DOCK8: variants seen among roughly 807,000 people sequenced by gnomAD.
The protein encoded by DOCK8 is dedicator of cytokinesis protein 8.
In DOCK8, 141 loss-of-function variants were observed where a neutral mutation model predicts 245.6. The ratio of observed to expected loss-of-function variants is 0.57; its 90% CI spans 0.50 to 0.66. The LOEUF (loss-of-function observed/expected upper bound fraction) is 0.66, where lower values mean the gene tolerates loss of function less well. Among genes scored for constraint, DOCK8 ranks in the 30% least tolerant of loss-of-function variants. The pLI, the probability that DOCK8 is intolerant of heterozygous loss-of-function variation, is 0.00. For synonymous variants in DOCK8, 1,168 were observed against 970.2 expected (o/e 1.20, Z -3.79); for missense variants, 2,965 against 2,603.4 (o/e 1.14, Z -3.02).
At chr9:390,412 G>C (rs537914702) in intron 23 of DOCK8, 59 bp from the exon 24 acceptor site, 18 of 1,477,132 alleles carry the variant, frequency 1.2e-5, no homozygotes, top group Admixed American at 1.2e-4. Flanking sequence ...AAGAAAAAAA[G>C]TGTTGGTGAA....
chr9:228,592 T>C (rs1207071976), intron 1 of DOCK8, among the ~76,000 whole-genome samples: 3 of 152,162 alleles, frequency 2.0e-5, no homozygotes, highest in Non-Finnish European at 2.9e-5. Context: ...CAGGGGAGCA[T>C]GGCCCTACTC....
rs545201792 is a variant in DOCK8, at chr9:337,243, C to A, written c.1422+525C>A. 1.9e-4 allele frequency among the ~76,000 whole-genome samples: 29 copies of A among 152,248 alleles called. 4 individuals carry two copies. The highest frequency in any genetic ancestry group is 7.0e-4 in the African/African-American group (29 of 41,538). ...CATTCAAACCACAGCATTCACAAAGCCTCAATTTCATTAGCCAGAAAACGG... is the reference window on the plus strand; with the variant it reads ...CATTCAAACCACAGCATTCACAAAGACTCAATTTCATTAGCCAGAAAACGG... On this transcript the variant is annotated intron_variant, in intron 12 of 47. Transcript: ENST00000432829.
chr9:324,516 G>A (rs1290366299), intron 7 of DOCK8, among the ~76,000 whole-genome samples: 3 of 152,132 alleles, frequency 2.0e-5, no homozygotes, highest in Admixed American at 2.0e-4. Flanking sequence ...TAATGCACCA[G>A]GATTATGCTT....
intron 4 of DOCK8, among the ~76,000 whole-genome samples, chr9:299,582 C>A (rs1387823138): frequency 1.3e-5 from 2 of 151,456 alleles, no homozygotes; most frequent in Admixed American, 6.6e-5. Flanking sequence ...TCCTTGAAAT[C>A]GTTTTTGGAT....
At chr9:272,518 C>G (rs183675686) in intron 2 of DOCK8, among the ~76,000 whole-genome samples, 3 of 151,934 alleles carry the variant, frequency 2.0e-5, no homozygotes, top group African/African-American at 7.3e-5. Flanking sequence ...CCCAAGTAGC[C>G]GGGACTACAG....
chr9:461,893 A>G (rs1201034423), intron 46 of DOCK8, among the ~76,000 whole-genome samples: 2 of 148,856 alleles, frequency 1.3e-5, no homozygotes, highest in African/African-American at 4.9e-5. Flanking sequence ...CCTTTTCTGA[A>G]CTTTTCCTGG....
At chr9:432,787 T>C (rs543716606) in intron 37 of DOCK8, among the ~76,000 whole-genome samples, 1 of 152,188 alleles carries the variant, frequency 6.6e-6, no homozygotes, top group East Asian at 1.9e-4. Context: ...TTTGTATCTG[T>C]AGGGATGGTA....
chr9:265,611 A>C (rs1262521234), intron 1 of DOCK8, among the ~76,000 whole-genome samples: 2 of 152,198 alleles, frequency 1.3e-5, no homozygotes, highest in Non-Finnish European at 2.9e-5. Flanking sequence ...CTTATAGACA[A>C]AGTTTTTTTT....
intron 23 of DOCK8, among the ~76,000 whole-genome samples, chr9:387,086 C>T (rs2053986228): frequency 6.6e-6 from 1 of 152,170 alleles, no homozygotes; most frequent in African/African-American, 2.4e-5. Flanking sequence ...CTCTTCTAGG[C>T]ACTCAAGAAT....
intron 4 of DOCK8, among the ~76,000 whole-genome samples, chr9:301,989 A>AC (rs886912410): frequency 7.9e-5 from 12 of 152,100 alleles, no homozygotes; most frequent in Admixed American, 7.2e-4. Context: ...CAGAATTTAA[A>AC]AAAAAAAACC....
At chr9:290,785 C>G (rs2049005980) in intron 4 of DOCK8, among the ~76,000 whole-genome samples, 1 of 152,170 alleles carries the variant, frequency 6.6e-6, no homozygotes, top group Non-Finnish European at 1.5e-5. Context: ...CTCACTCCTC[C>G]TATACCTCAG....
Position 219,964 on chromosome 9 carries a change from T to C in DOCK8, c.53+4935T>C, listed in dbSNP as rs192331956. ...AGAGCACAATGAGCTACAGAGAGCTTTCTGAGAAGTATTTGCTAATTTTAT... is the reference window on the plus strand; with the variant it reads ...AGAGCACAATGAGCTACAGAGAGCTCTCTGAGAAGTATTTGCTAATTTTAT... On this transcript the variant is annotated intron_variant, in intron 1 of 47. Transcript: ENST00000432829. Among the ~76,000 whole-genome samples the C allele has an allele frequency of 3.9e-5, 6 of 152,326 alleles. No individual in the cohort carries two copies. The East Asian group carries it at 7.7e-4, about 20-fold the overall frequency.
Position 441,960 on chromosome 9 carries a change from A to AGCAT in DOCK8, c.5441_5442insGCAT (p.Tyr1814Ter). The stretch of plus-strand genomic sequence containing the variant: ...GATTTGGATGAACAGGAGTTTGTCT[A>AGCAT]CAAAGAGCCTGCAATTACCAAGCTT... On this transcript the variant is annotated stop_gained and frameshift_variant, in exon 42 of 48. Transcript: ENST00000432829. LOFTEE classifies it high-confidence loss of function. 1.2e-6 allele frequency: 2 copies of AGCAT among 1,614,166 alleles called. No individual in the cohort carries two copies. The highest frequency in any genetic ancestry group is 1.7e-6 in the Non-Finnish European group (2 of 1,180,024).
At chr9:254,495 C>A (rs1039489926) in intron 1 of DOCK8, among the ~76,000 whole-genome samples, 4 of 152,178 alleles carry the variant, frequency 2.6e-5, no homozygotes, top group African/African-American at 9.7e-5. Context: ...TCCTTCTCTT[C>A]CTTCTTTCCT....
At chr9:437,212 C>T (rs1477062892) in intron 39 of DOCK8, among the ~76,000 whole-genome samples, 1 of 152,206 alleles carries the variant, frequency 6.6e-6, no homozygotes, top group Admixed American at 6.5e-5. Flanking sequence ...TAGCACCTGC[C>T]ATACTGGACC....
Position 252,747 on chromosome 9 carries a change from G to A in DOCK8, c.54-18880G>A, listed in dbSNP as rs13440185. On this transcript the variant is annotated intron_variant, in intron 1 of 47. Transcript: ENST00000432829. The stretch of plus-strand genomic sequence containing the variant: ...TGAACCCGGGAGGTCGCAGTGAGCC[G>A]AGATCACACCACTGCACTCCAGCCT... 6.4e-3 allele frequency among the ~76,000 whole-genome samples: 950 copies of A among 149,454 alleles called. 6 individuals are homozygous for A. Among genetic ancestry groups the A allele is most frequent in the African/African-American group, 0.022 (884 of 40,630 alleles).
chr9:442,798 A>G (rs2057134609), intron 42 of DOCK8, among the ~76,000 whole-genome samples: 1 of 151,300 alleles, frequency 6.6e-6, no homozygotes, highest in Non-Finnish European at 1.5e-5. Context: ...TTCACTCCTT[A>G]GGCTTTCATT....
At chr9:273,600 G>A (rs144359153) in intron 2 of DOCK8, among the ~76,000 whole-genome samples, 47 of 152,206 alleles carry the variant, frequency 3.1e-4, no homozygotes, top group African/African-American at 1.1e-3. Flanking sequence ...TAGTTGTCTT[G>A]GGAAGTAGTG....
intron 37 of DOCK8, among the ~76,000 whole-genome samples, chr9:433,334 C>T (rs1395678236): frequency 6.6e-6 from 1 of 152,202 alleles, no homozygotes; most frequent in African/African-American, 2.4e-5. Flanking sequence ...GGCTGAGTTA[C>T]CTGCCAGGGT....
Sources: gnomAD v4.1 joint callset for allele counts (sites outside exome capture counted in the v4.1 genomes callset) on GRCh38, gnomAD v4.1.1 for gene constraint, MANE v1.5 for transcripts, NCBI Gene and HGNC (gene_info 2026-07-23, HGNC 2026-07-21) for gene names.